TRAK1: variants seen among roughly 807,000 people sequenced by gnomAD.
TRAK1 encodes the protein trafficking kinesin-binding protein 1.
In TRAK1, 33 loss-of-function variants were observed where a neutral mutation model predicts 92.1. The ratio of observed to expected loss-of-function variants is 0.36; its 90% CI spans 0.27 to 0.48. The LOEUF (loss-of-function observed/expected upper bound fraction) is 0.48, where lower values mean the gene tolerates loss of function less well. Among genes scored for constraint, TRAK1 ranks in the 20% least tolerant of loss-of-function variants. The pLI is 0.99. For synonymous variants in TRAK1, 521 were observed against 517.3 expected (o/e 1.01, Z -0.10); for missense variants, 1,123 against 1,257.9 (o/e 0.89, Z 1.62).
chr3:42,193,330 G>C, intron 8 of TRAK1, 125 bp downstream of exon 8: 4 of 1,381,818 alleles, frequency 2.9e-6, no homozygotes, highest in Non-Finnish European at 3.9e-6. Flanking sequence ...CCGCTTTGCA[G>C]AAAAAGCTTA....
chr3:42,106,177 C>T (rs1177027762), intron 1 of TRAK1, among the ~76,000 whole-genome samples: 4 of 152,160 alleles, frequency 2.6e-5, no homozygotes, highest in African/African-American at 9.7e-5. Flanking sequence ...CAATATTAAC[C>T]TTAAATGTAA....
intron 11 of TRAK1, 89 bp from the exon 12 acceptor site, chr3:42,200,729 C>T (rs1707405619): frequency 7.2e-7 from 1 of 1,388,802 alleles, no homozygotes; most frequent in Non-Finnish European, 1.0e-6. Context: ...GCCAGGTGCC[C>T]TTTTGGCTCA....
At chr3:42,175,300 A>G (rs1012899283) in intron 2 of TRAK1, among the ~76,000 whole-genome samples, 1 of 152,132 alleles carries the variant, frequency 6.6e-6, no homozygotes, top group East Asian at 1.9e-4. Context: ...CGTGAAGAAG[A>G]CTAACTCGGG....
intron 2 of TRAK1, among the ~76,000 whole-genome samples, chr3:42,129,502 A>T (rs1280494738): frequency 6.6e-6 from 1 of 152,130 alleles, no homozygotes; most frequent in Non-Finnish European, 1.5e-5. Context: ...GAGGCGAGAA[A>T]GCTTTGGGCA....
chr3:42,205,026 C>G (rs1038147373), intron 13 of TRAK1, among the ~76,000 whole-genome samples: 1 of 152,204 alleles, frequency 6.6e-6, no homozygotes, highest in Non-Finnish European at 1.5e-5. Flanking sequence ...CTGACTGTGA[C>G]ATTAGATAAA....
Position 42,201,140 on chromosome 3 carries a change from G to A in TRAK1, c.1427+86G>A, listed in dbSNP as rs954520443. The A allele has an allele frequency of 2.1e-6, 3 of 1,429,708 alleles. No homozygotes were observed. In the African/African-American group the frequency reaches 4.2e-5, roughly 20 times the overall value. 88.6% of individuals were successfully genotyped at this position (1,429,708 alleles called of 1,614,324 possible). On this transcript the variant is annotated intron_variant, in intron 12 of 15. Transcript: ENST00000327628. Reference sequence around the variant, plus strand: ...TCTGCAGGCTCAGTAATTATTAAGAGGGAGGTAGATGAGAGTCACCTGAAA... The same window carrying A: ...TCTGCAGGCTCAGTAATTATTAAGAAGGAGGTAGATGAGAGTCACCTGAAA...
At chr3:42,222,217 C>T (rs1284345089) in intron 15 of TRAK1, among the ~76,000 whole-genome samples, 1 of 152,134 alleles carries the variant, frequency 6.6e-6, no homozygotes, top group Non-Finnish European at 1.5e-5. Flanking sequence ...GTGGGCCTTT[C>T]CCTGGGTAGC....
At chr3:42,160,321 G>T (rs758757414) in intron 2 of TRAK1, 2 of 1,609,738 alleles carry the variant, frequency 1.2e-6, no homozygotes, top group Non-Finnish European at 1.7e-6. Context: ...CCCAAGGATG[G>T]TCCCTTAGGG....
At chr3:42,208,430 C>G (rs1708583175) in intron 13 of TRAK1, among the ~76,000 whole-genome samples, 1 of 152,164 alleles carries the variant, frequency 6.6e-6, no homozygotes, top group African/African-American at 2.4e-5. Context: ...ATGGCAGACT[C>G]TGCGCACACC....
rs141255859 is a variant in TRAK1 at position 42,142,523 on chromosome 3, G to A, written c.286+16909G>A. ...CTGCTCCTACCCGAGTATAGTCTGT[G>A]CCCACAGCATCAGACCTTTCTGTTC... On this transcript the variant is annotated intron_variant, in intron 2 of 15. Coordinates refer to ENST00000327628, the MANE Select transcript of TRAK1 (RefSeq NM_001042646.3). Among the ~76,000 whole-genome samples the A allele has an allele frequency of 4.6e-3, 696 of 152,292 alleles. 2 individuals carry two copies. The highest frequency in any genetic ancestry group is 0.014 in the Middle Eastern group (4 of 294).
intron 2 of TRAK1, among the ~76,000 whole-genome samples, chr3:42,166,892 C>G (rs1701933895): frequency 6.6e-6 from 1 of 152,218 alleles, no homozygotes; most frequent in Non-Finnish European, 1.5e-5. Flanking sequence ...AATGGCTGTA[C>G]AGACCATTGT....
chr3:42,135,052 C>T (rs1353830848), intron 2 of TRAK1, among the ~76,000 whole-genome samples: 1 of 152,112 alleles, frequency 6.6e-6, no homozygotes, highest in Non-Finnish European at 1.5e-5. Context: ...TTTTTGGGGG[C>T]CATGGCAAGT....
chr3:42,193,955 C>T (rs1706201304), intron 9 of TRAK1, 57 bp downstream of exon 9: 1 of 1,490,926 alleles, frequency 6.7e-7, no homozygotes, highest in Non-Finnish European at 9.2e-7. Context: ...GGTGGATTAG[C>T]CTTCCCGGAC....
intron 1 of TRAK1, among the ~76,000 whole-genome samples, chr3:42,039,134 C>T (rs563417257): frequency 6.6e-6 from 1 of 152,234 alleles, no homozygotes; most frequent in East Asian, 1.9e-4. Context: ...TGTTTTCTGT[C>T]CCTGGATATG....
chr3:42,125,545 C>T lies in TRAK1; in HGVS notation c.217C>T (p.Pro73Ser). The T allele has an allele frequency of 1.2e-6, 2 of 1,614,224 alleles. No individual in the cohort carries two copies. Among genetic ancestry groups the T allele is most frequent in the Non-Finnish European group, 1.7e-6 (2 of 1,180,018 alleles). ...TGACCACGACGACTGGCTCCATACA[C>T]CTCTCATTTCTCCAGATGCCAACAT... ...GYDHDDWLHT[P>S]LISPDANIDL... is the part of the protein sequence containing the mutation. Residue 73 changes from proline (P) to serine (S), a missense_variant, in exon 2 of 16, where the codon CCT (proline) becomes TCT (serine). Coordinates refer to ENST00000327628, the MANE Select transcript of TRAK1 (RefSeq NM_001042646.3).
At chr3:42,023,788 C>T (rs1446429202) in intron 1 of TRAK1, among the ~76,000 whole-genome samples, 1 of 116,832 alleles carries the variant, frequency 8.6e-6, no homozygotes, top group African/African-American at 3.3e-5. Flanking sequence ...GAATCTCACT[C>T]TATTGTCCAG....
chr3:42,082,337 G>A (rs1323779574), upstream of TRAK1, among the ~76,000 whole-genome samples: 1 of 152,088 alleles, frequency 6.6e-6, no homozygotes, highest in Non-Finnish European at 1.5e-5. Context: ...GGCAGCTCAC[G>A]CCTGTAATCC....
At chr3:42,126,945 G>A (rs1160819802) in intron 2 of TRAK1, among the ~76,000 whole-genome samples, 1 of 152,160 alleles carries the variant, frequency 6.6e-6, no homozygotes, top group Non-Finnish European at 1.5e-5. Flanking sequence ...TTTCAATATG[G>A]ATAATAACAG....
intron 1 of TRAK1, among the ~76,000 whole-genome samples, chr3:42,039,814 G>C (rs1292185813): frequency 6.6e-6 from 1 of 152,138 alleles, no homozygotes; most frequent in Non-Finnish European, 1.5e-5. Flanking sequence ...TTTCCTATGT[G>C]TCTGCACCAT....
Sources: gnomAD v4.1 joint callset for allele counts (sites outside exome capture counted in the v4.1 genomes callset) on GRCh38, gnomAD v4.1.1 for gene constraint, MANE v1.5 for transcripts, NCBI Gene and HGNC (gene_info 2026-07-23, HGNC 2026-07-21) for gene names.